PRELID2: variants seen among roughly 807,000 people sequenced by gnomAD.
PRELID2 encodes the protein PRELI domain-containing protein 2.
In PRELID2, 25 loss-of-function variants were observed where a neutral mutation model predicts 28.4. That is an observed-to-expected ratio of 0.88 (90% CI 0.64 to 1.23). The LOEUF (loss-of-function observed/expected upper bound fraction) is 1.23, where lower values mean the gene tolerates loss of function less well. Ranked by LOEUF, PRELID2 falls within the 50% of genes most tolerant of loss-of-function variation. PRELID2 has a pLI of 0.00. For synonymous variants in PRELID2, 76 were observed against 71.6 expected, an observed-to-expected ratio of 1.06 and a Z score of -0.31; for missense variants, 201 against 214.4, an observed-to-expected ratio of 0.94 and a Z score of 0.39.
At chr5:145,441,587 A>G in the PRELID2 span, among the ~76,000 whole-genome samples, 1 of 152,146 alleles carries the variant, frequency 6.6e-6, no homozygotes, top group Non-Finnish European at 1.5e-5. Flanking sequence ...AAGCAAAAAA[A>G]TAAACTCTGG....
chr5:145,486,946 A>G (rs1752223227), intron 1 of PRELID2, among the ~76,000 whole-genome samples: 4 of 149,420 alleles, frequency 2.7e-5, no homozygotes, highest in Admixed American at 1.3e-4. Context: ...TTGTAGGGAC[A>G]TGGATGAAAT....
At chr5:145,655,355 C>T (rs1480555045) in intron 1 of PRELID2, among the ~76,000 whole-genome samples, 1 of 152,156 alleles carries the variant, frequency 6.6e-6, no homozygotes, top group Non-Finnish European at 1.5e-5. Context: ...ATGCCATCCC[C>T]ATCAAGCTAC....
intron 5 of PRELID2, among the ~76,000 whole-genome samples, chr5:145,790,747 C>A (rs976784813): frequency 0.015 from 1,536 of 99,918 alleles, 16 homozygotes; most frequent in Non-Finnish European, 0.024. Context: ...ATATATATAT[C>A]AAAATGCCAC....
chr5:145,287,208 T>C, the PRELID2 span, among the ~76,000 whole-genome samples: 1 of 152,146 alleles, frequency 6.6e-6, no homozygotes, highest in Non-Finnish European at 1.5e-5. Flanking sequence ...CCATATATAC[T>C]ATGTTTTTTT....
the PRELID2 span, among the ~76,000 whole-genome samples, chr5:145,336,995 G>A: frequency 6.7e-6 from 1 of 148,216 alleles, no homozygotes; most frequent in Non-Finnish European, 1.5e-5. Flanking sequence ...ATAGCTTTAG[G>A]GCATATGCCT....
At chr5:145,766,138 T>C (rs1016159373) in intron 5 of PRELID2, among the ~76,000 whole-genome samples, 1 of 151,714 alleles carries the variant, frequency 6.6e-6, no homozygotes, top group Non-Finnish European at 1.5e-5. Context: ...GACAGGGTTA[T>C]GATGCAATTA....
chr5:145,801,757 C>A (rs956422311), intron 4 of PRELID2, among the ~76,000 whole-genome samples: 3 of 152,176 alleles, frequency 2.0e-5, no homozygotes, highest in African/African-American at 7.2e-5. Flanking sequence ...CACAACTGTT[C>A]TTCTAGTGCA....
chr5:145,677,788 G>T (rs1754849606), intron 1 of PRELID2, among the ~76,000 whole-genome samples: 1 of 152,140 alleles, frequency 6.6e-6, no homozygotes, highest in Non-Finnish European at 1.5e-5. Flanking sequence ...TATGAATTTT[G>T]GGGTCAGCAA....
At chr5:145,593,839 A>G (rs1362040692) in intron 1 of PRELID2, among the ~76,000 whole-genome samples, 1 of 152,224 alleles carries the variant, frequency 6.6e-6, no homozygotes, top group Non-Finnish European at 1.5e-5. Flanking sequence ...ATATCATTTA[A>G]TCATGAACTA....
chr5:145,378,383 C>A, the PRELID2 span, among the ~76,000 whole-genome samples: 1 of 152,190 alleles, frequency 6.6e-6, no homozygotes. Flanking sequence ...ATATGTTTTC[C>A]AAGTTGGTTT....
chr5:145,397,809 G>A, the PRELID2 span, among the ~76,000 whole-genome samples: 4 of 152,140 alleles, frequency 2.6e-5, no homozygotes, highest in South Asian at 2.1e-4. Context: ...TCAGAGAAGC[G>A]AAAACTGAGT....
At chr5:145,460,294 C>T in the PRELID2 span, among the ~76,000 whole-genome samples, 1 of 152,178 alleles carries the variant, frequency 6.6e-6, no homozygotes, top group Non-Finnish European at 1.5e-5. Context: ...TGCCACCATG[C>T]ACACCATCTT....
chr5:145,314,756 T>C, the PRELID2 span, among the ~76,000 whole-genome samples: 2 of 151,988 alleles, frequency 1.3e-5, no homozygotes, highest in Admixed American at 6.5e-5. Context: ...TCAAGTTTTC[T>C]ATATAAAATT....
chr5:145,515,822 A>C (rs1163585324), intron 1 of PRELID2, among the ~76,000 whole-genome samples: 1 of 152,194 alleles, frequency 6.6e-6, no homozygotes, highest in East Asian at 1.9e-4. Context: ...CCTGGGACGC[A>C]AGCCTGGTTC....
At chr5:145,722,860 G>A (rs955689143) in intron 1 of PRELID2, among the ~76,000 whole-genome samples, 2 of 152,026 alleles carry the variant, frequency 1.3e-5, no homozygotes, top group Non-Finnish European at 2.9e-5. Flanking sequence ...GTAGAGTTTA[G>A]AAAACTTAAA....
chr5:145,721,789 A>C (rs1483877020), intron 1 of PRELID2, among the ~76,000 whole-genome samples: 2 of 152,182 alleles, frequency 1.3e-5, no homozygotes, highest in Non-Finnish European at 2.9e-5. Flanking sequence ...AATTAATAAG[A>C]AGGCAGGGTT....
chr5:145,304,354 G>A, the PRELID2 span, among the ~76,000 whole-genome samples: 10 of 152,054 alleles, frequency 6.6e-5, no homozygotes, highest in Admixed American at 2.6e-4. Flanking sequence ...CCAAAGTCAC[G>A]CAGCTAAAAA....
chr5:145,338,569 T>C, the PRELID2 span, among the ~76,000 whole-genome samples: 5 of 152,240 alleles, frequency 3.3e-5, no homozygotes, highest in Non-Finnish European at 7.3e-5. Context: ...TAAATTTGCA[T>C]AAGAAACTTT....
rs192719888 is a variant in PRELID2 at position 145,592,510 on chromosome 5, G to T, written n.71-119195C>A. 8.6e-5 allele frequency among the ~76,000 whole-genome samples: 13 copies of T among 151,966 alleles called. No homozygotes were observed. In the East Asian group the frequency reaches 2.5e-3, roughly 29 times the overall value. On this transcript the variant is annotated intron_variant and non_coding_transcript_variant, in intron 1 of 2. Coordinates refer to the PRELID2 transcript ENST00000510259. The stretch of plus-strand genomic sequence containing the variant: ...CACACACACATTGCTATGGAGTGAT[G>T]ACCACAGCAGAATAGAAAGTGCAAG...
Sources: allele counts gnomAD v4.1 joint callset (sites outside exome capture counted in the v4.1 genomes callset), GRCh38; gene constraint gnomAD v4.1.1; transcripts MANE v1.5; gene names NCBI Gene and HGNC (gene_info 2026-07-23, HGNC 2026-07-21).